The following SAFB variants were observed in gnomAD, a reference collection of about 807,000 sequenced individuals.
SAFB encodes the protein scaffold attachment factor B.
SAFB carries 15 observed loss-of-function variants against 101.6 expected under a neutral mutation model. The ratio of observed to expected loss-of-function variants is 0.15; its 90% CI spans 0.10 to 0.23. The LOEUF (loss-of-function observed/expected upper bound fraction) is 0.23, where lower values mean the gene tolerates loss of function less well. SAFB is among the 10% of genes least tolerant of loss of function. The pLI is 1.00. For synonymous variants in SAFB, 449 were observed against 407.5 expected, an observed-to-expected ratio of 1.10 and a Z score of -1.23; for missense variants, 930 against 1,104.1, an observed-to-expected ratio of 0.84 and a Z score of 2.23.
At chr19:5,652,742 T>C (rs2053967236) in intron 9 of SAFB, among the ~76,000 whole-genome samples, 1 of 152,148 alleles carries the variant, frequency 6.6e-6, no homozygotes, top group Admixed American at 6.5e-5. Context: ...TTTTTTTTTC[T>C]TTTTTCTTTT....
At chr19:5,653,928 A>G in intron 11 of SAFB, 133 bp from the exon 12 acceptor site, 2 of 703,964 alleles carry the variant, frequency 2.8e-6, no homozygotes, top group Non-Finnish European at 2.4e-6. Context: ...TTTAGTAGAG[A>G]TGGGGTTTCA....
chr19:5,661,851 C>A, intron 15 of SAFB, 43 bp downstream of exon 15: 1 of 1,327,350 alleles, frequency 7.5e-7, no homozygotes, highest in South Asian at 1.4e-5. Flanking sequence ...CGTTCAGAAT[C>A]GTGTTAGGGA....
chr19:5,647,841 T>C (rs1283865770), intron 5 of SAFB, among the ~76,000 whole-genome samples, 175 bp from the exon 6 acceptor site: 1 of 152,176 alleles, frequency 6.6e-6, no homozygotes, highest in East Asian at 1.9e-4. Flanking sequence ...CTGAGTGAAG[T>C]GGATGCCAGT....
chr19:5,660,819 A>C (rs889770849), intron 14 of SAFB, among the ~76,000 whole-genome samples: 1 of 151,384 alleles, frequency 6.6e-6, no homozygotes, highest in African/African-American at 2.4e-5. Flanking sequence ...ACAGCTGCTA[A>C]TGTCCTTACA....
intron 2 of SAFB, among the ~76,000 whole-genome samples, chr19:5,638,315 C>G (rs1451859736): frequency 1.3e-5 from 2 of 151,932 alleles, no homozygotes; most frequent in East Asian, 3.9e-4. Flanking sequence ...AATTACTAAA[C>G]TCTTTTTATT....
intron 2 of SAFB, among the ~76,000 whole-genome samples, chr19:5,633,708 G>A (rs956241738): frequency 6.6e-6 from 1 of 152,032 alleles, no homozygotes; most frequent in Admixed American, 6.5e-5. Flanking sequence ...GAACCCGGGA[G>A]GTGGAGCTTG....
At chr19:5,638,332 A>G (rs1029141305) in intron 2 of SAFB, among the ~76,000 whole-genome samples, 21 of 151,994 alleles carry the variant, frequency 1.4e-4, no homozygotes, top group African/African-American at 5.1e-4. Flanking sequence ...TATTTTATTT[A>G]TTTTGAGATG....
At chr19:5,659,627 C>T (rs2054148886) in intron 14 of SAFB, among the ~76,000 whole-genome samples, 1 of 151,800 alleles carries the variant, frequency 6.6e-6, no homozygotes, top group African/African-American at 2.4e-5. Context: ...GTGATCCACC[C>T]GCATCGGCCT....
At chr19:5,625,991 G>A (rs1463301941) in intron 1 of SAFB, among the ~76,000 whole-genome samples, 2 of 152,130 alleles carry the variant, frequency 1.3e-5, no homozygotes, top group Non-Finnish European at 2.9e-5. Context: ...GTAAAGTCAG[G>A]GGAAATGGAG....
chr19:5,667,594 C>T lies in SAFB; in HGVS notation c.2557+144C>T, dbSNP rs2054362191. 2.8e-6 allele frequency: 2 copies of T among 713,572 alleles called. No individual in the cohort carries two copies. The highest frequency in any genetic ancestry group is 3.6e-5 in the South Asian group (2 of 54,898). 44.2% of individuals were successfully genotyped at this position (713,572 alleles called of 1,614,324 possible). ...GAATGAAGAGCACTCCAGACACCGCCTGCTCTCTGGTGGTCTGGCCCAGGA... is the reference window on the plus strand; with the variant it reads ...GAATGAAGAGCACTCCAGACACCGCTTGCTCTCTGGTGGTCTGGCCCAGGA... On this transcript the variant is annotated intron_variant, in intron 19 of 20. Transcript: ENST00000588852. The surrounding 1 kb of genome is among the most constrained non-coding windows in gnomAD (Gnocchi z 4.0).
chr19:5,667,391 G>T lies in SAFB; in HGVS notation c.2498G>T (p.Arg833Leu). ...GACCATGGCCGAAGAGAGGATGACC[G>T]GTCATGGCAGGGCACGGCCGACGGG... ...WGDHGRREDD[R>L]SWQGTADGGM... Residue 833 changes from arginine to leucine, a missense_variant, in exon 19 of 21, where the codon CGG becomes CTG. Physicochemically the swap from Arg to Leu is moderately radical, Grantham distance 102. Around this residue, in one of 7 missense-constraint regions of SAFB, gnomAD observed 318 missense variants for 342.6 expected, o/e 0.93. Coordinates refer to ENST00000588852, the MANE Select transcript of SAFB (RefSeq NM_001201338.2). This position sits in a 1 kb window ranked among gnomAD's most constrained non-coding sequence, Gnocchi z 4.0. 1 of 1,512,960 alleles carries T rather than the reference G, an allele frequency of 6.6e-7. No homozygotes were observed. Among genetic ancestry groups the T allele is most frequent in the Non-Finnish European group, 8.8e-7 (1 of 1,136,564 alleles). 93.7% of individuals were successfully genotyped at this position (1,512,960 alleles called of 1,614,324 possible). A position where few individuals can be genotyped will look rare whatever the true frequency, so the allele number is the denominator to read the frequency against.
intron 17 of SAFB, chr19:5,666,709 C>A: frequency 2.7e-6 from 1 of 368,930 alleles, no homozygotes; most frequent in South Asian, 3.1e-5. Context: ...TGGGAACTAA[C>A]CATTTGAGCT....
chr19:5,634,468 C>A (rs1344920048), intron 2 of SAFB, among the ~76,000 whole-genome samples: 1 of 151,916 alleles, frequency 6.6e-6, no homozygotes, highest in African/African-American at 2.4e-5. Context: ...GAAATTCCAG[C>A]TAGTTTAATA....
chr19:5,667,395 A>G lies in SAFB; in HGVS notation c.2502A>G (p.Ser834=), dbSNP rs1317520029. ...ATGGCCGAAGAGAGGATGACCGGTCATGGCAGGGCACGGCCGACGGGGGCA... is the reference window on the plus strand; with the variant it reads ...ATGGCCGAAGAGAGGATGACCGGTCGTGGCAGGGCACGGCCGACGGGGGCA... The part of the protein sequence containing the change: ...GDHGRREDDR[S]WQGTADGGMM... Residue 834 remains serine, a synonymous_variant, in exon 19 of 21, where the codon TCA becomes TCG. Transcript: ENST00000588852. The surrounding 1 kb of genome is among the most constrained non-coding windows in gnomAD (Gnocchi z 4.0). 1 of 1,514,308 alleles carries G rather than the reference A, an allele frequency of 6.6e-7. No individual in the cohort carries two copies. The highest frequency in any genetic ancestry group is 8.8e-7 in the Non-Finnish European group (1 of 1,137,254). 93.8% of individuals were successfully genotyped at this position (1,514,308 alleles called of 1,614,324 possible). A position where few individuals can be genotyped will look rare whatever the true frequency, so the allele number is the denominator to read the frequency against.
At chr19:5,661,883 A>T in intron 15 of SAFB, 75 bp downstream of exon 15, 12 of 984,012 alleles carry the variant, frequency 1.2e-5, no homozygotes, top group South Asian at 1.7e-5. Context: ...AGTTAGCTTG[A>T]GATTTTTTTT....
Position 5,649,990 on chromosome 19 carries a change from C to T in SAFB, c.1198+15C>T, listed in dbSNP as rs199541665. 3.7e-6 allele frequency: 6 copies of T among 1,606,788 alleles called. No individual in the cohort carries two copies. Among genetic ancestry groups the T allele is most frequent in the Middle Eastern group, 1.7e-4 (1 of 6,042 alleles). On this transcript the variant is annotated intron_variant, in intron 8 of 20. Coordinates refer to ENST00000588852, the MANE Select transcript of SAFB (RefSeq NM_001201338.2). ...AGAGGAAAAGGGTAGGTCACCTCGG[C>T]GACACCAGTCCCTTGGAGCATGTAT... is the stretch of plus-strand genomic sequence containing the variant.
chr19:5,645,481 A>C, intron 5 of SAFB, 82 bp downstream of exon 5: 1 of 680,978 alleles, frequency 1.5e-6, no homozygotes, highest in Non-Finnish European at 2.7e-6. Context: ...ACCATATGCC[A>C]GTTCCAGCTA....
At chr19:5,623,770 G>A (rs1387959755) in intron 1 of SAFB, among the ~76,000 whole-genome samples, 1 of 151,908 alleles carries the variant, frequency 6.6e-6, no homozygotes, top group African/African-American at 2.4e-5. Flanking sequence ...AAGGTCACAC[G>A]GCCGAGGACG....
chr19:5,645,279 C>G, intron 4 of SAFB, 58 bp from the exon 5 acceptor site: 1 of 768,204 alleles, frequency 1.3e-6, no homozygotes, highest in Non-Finnish European at 2.4e-6. Context: ...TACAGATGTA[C>G]CATTATGTTA....
Sources: gnomAD v4.1 joint callset for allele counts (sites outside exome capture counted in the v4.1 genomes callset) on GRCh38, gnomAD v4.1.1 for gene constraint, gnomAD v4.1.1 regional missense constraint, Gnocchi (gnomAD v3.1) non-coding constraint, MANE v1.5 for transcripts, NCBI Gene and HGNC (gene_info 2026-07-23, HGNC 2026-07-21) for gene names.